The following DOK1 variants were observed in gnomAD, a reference collection of about 807,000 sequenced individuals.
DOK1 encodes Downstream of tyrosine kinase 1.
Under a neutral mutation model 24.0 loss-of-function variants are expected in DOK1, and 12 were observed. The ratio of observed to expected loss-of-function variants is 0.50; its 90% CI spans 0.32 to 0.81. The LOEUF is 0.81. DOK1 is among the 30% of genes least tolerant of loss of function. DOK1 has a pLI of 0.03. For synonymous variants in DOK1, 250 were observed against 260.9 expected, an observed-to-expected ratio of 0.96 and a Z score of 0.40; for missense variants, 591 against 620.7, an observed-to-expected ratio of 0.95 and a Z score of 0.51.
chr2:74,556,995 A>C lies in DOK1; in HGVS notation c.1327A>C (p.Ser443Arg). The C allele has an allele frequency of 6.2e-7, 1 of 1,614,228 alleles. No homozygotes were observed. Among genetic ancestry groups the C allele is most frequent in the Non-Finnish European group, 8.5e-7 (1 of 1,180,044 alleles). ...TACTGCAACTGGCAGTGGCATCAAAAGCCACAACTCAGCCCTGTACAGCCA... is the reference window on the plus strand; with the variant it reads ...TACTGCAACTGGCAGTGGCATCAAACGCCACAACTCAGCCCTGTACAGCCA... ...PGTATGSGIK[S>R]HNSALYSQVQ... Residue 443 changes from serine (S) to arginine (R), a missense_variant, in exon 5 of 5, where the codon AGC becomes CGC. Transcript: ENST00000233668. The surrounding 1 kb of genome is among the most constrained non-coding windows in gnomAD (Gnocchi z 4.1).
chr2:74,549,141 G>C lies in DOK1; in HGVS notation c.-389G>C, dbSNP rs1017366612. On this transcript the variant is annotated 5_prime_UTR_variant, in exon 1 of 5. Transcript: ENST00000409429. This position sits in a 1 kb window ranked among gnomAD's most constrained non-coding sequence, Gnocchi z 5.3. ...CTGCCCGCCCAGGCGTCGGCCACGA[G>C]AGAGCGGGAGCCTCGCTGGTCCCCA... is the stretch of plus-strand genomic sequence containing the variant. 41 of 420,538 alleles carry C rather than the reference G, an allele frequency of 9.7e-5. No homozygotes were observed. Among genetic ancestry groups the C allele is most frequent in the African/African-American group, 4.7e-4 (23 of 48,678 alleles). The allele number at this position is 420,538 out of a possible 1,614,324, so 26.1% of individuals were successfully genotyped here. A position where few individuals can be genotyped will look rare whatever the true frequency, so the allele number is the denominator to read the frequency against.
upstream of DOK1, chr2:74,549,917 T>G (rs1200478419): frequency 1.0e-6 from 1 of 985,194 alleles, no homozygotes; most frequent in Non-Finnish European, 1.2e-6. The surrounding 1 kb of genome is among the most constrained non-coding windows in gnomAD (Gnocchi z 5.3). Flanking sequence ...AGCAGGAACA[T>G]TTGAGGAGAA....
rs150578126 is a variant in DOK1, at chr2:74,555,960, A to T, written c.521A>T (p.Tyr174Phe). The T allele has an allele frequency of 4.3e-6, 7 of 1,613,780 alleles. No homozygotes were observed. In the South Asian group the frequency reaches 6.6e-5, roughly 15 times the overall value. The change falls in exon 4 of 5, where the codon TAC (tyrosine) becomes TTC (phenylalanine). Residue 174 changes from tyrosine to phenylalanine, a missense_variant. Coordinates refer to ENST00000233668, the MANE Select transcript of DOK1 (RefSeq NM_001381.5). This position sits in a 1 kb window ranked among gnomAD's most constrained non-coding sequence, Gnocchi z 6.1. ...GAGCGCTGTGGCCTGCATGGCTCCT[A>T]CGTGCTGAGGGTGGAGGCTGAAAGG... Reference protein sequence around the residue: ...AAERCGLHGSYVLRVEAERLT... With the variant: ...AAERCGLHGSFVLRVEAERLT...
chr2:74,552,369 G>A (rs2104452703), upstream of DOK1: 1 of 1,611,964 alleles, frequency 6.2e-7, no homozygotes, highest in Non-Finnish European at 8.5e-7. Context: ...TGTGGCCTCT[G>A]TGAAGCCCAG....
chr2:74,552,614 C>G (rs1677089973), upstream of DOK1: 1 of 1,574,358 alleles, frequency 6.4e-7, no homozygotes, highest in East Asian at 2.3e-5. Flanking sequence ...GGCTCCACTG[C>G]CAGACACTGA....
upstream of DOK1, chr2:74,554,673 A>G: frequency 7.0e-7 from 1 of 1,438,560 alleles, no homozygotes; most frequent in Non-Finnish European, 9.5e-7. The surrounding 1 kb of genome is among the most constrained non-coding windows in gnomAD (Gnocchi z 4.9). Flanking sequence ...AGGGGCGGAA[A>G]CTCCTCCAGG....
chr2:74,551,978 G>A (rs147849143), upstream of DOK1, among the ~76,000 whole-genome samples: 143 of 152,350 alleles, frequency 9.4e-4, no homozygotes, highest in African/African-American at 3.3e-3. Context: ...TGCTCTTAGC[G>A]TCCCATGAGA....
rs1380946879 is a variant in DOK1 at position 74,556,131 on chromosome 2, G to C, written c.639+53G>C. ...TGGGTTGGGCAGCTGTGGGAGGGGT[G>C]GGGCAGGACAGAAAGTGGGAAGCTC... is the stretch of plus-strand genomic sequence containing the variant. On this transcript the variant is annotated intron_variant, in intron 4 of 4. Coordinates refer to ENST00000233668, the MANE Select transcript of DOK1 (RefSeq NM_001381.5). The surrounding 1 kb of genome is among the most constrained non-coding windows in gnomAD (Gnocchi z 4.1). 4 of 1,538,170 alleles carry C rather than the reference G, an allele frequency of 2.6e-6. No individual in the cohort carries two copies. In the African/African-American group the frequency reaches 5.5e-5, roughly 21 times the overall value.
upstream of DOK1, chr2:74,549,844 G>A (rs1676885889): frequency 5.1e-6 from 5 of 985,418 alleles, no homozygotes; most frequent in Non-Finnish European, 6.0e-6. This position sits in a 1 kb window ranked among gnomAD's most constrained non-coding sequence, Gnocchi z 5.3. Context: ...GAGCAGGAGG[G>A]AGCACTTCAA....
upstream of DOK1, chr2:74,554,412 GT>G: frequency 3.0e-6 from 1 of 335,006 alleles, no homozygotes; most frequent in South Asian, 3.9e-5. The surrounding 1 kb of genome is among the most constrained non-coding windows in gnomAD (Gnocchi z 4.9). Flanking sequence ...CGCTTTCGGG[GT>G]GATGTCATGG....
chr2:74,553,277 T>A (rs1009806067), upstream of DOK1, among the ~76,000 whole-genome samples: 5 of 152,072 alleles, frequency 3.3e-5, no homozygotes, highest in African/African-American at 4.8e-5. Flanking sequence ...CCCAGAGTCC[T>A]AACCCAGCAG....
upstream of DOK1, among the ~76,000 whole-genome samples, chr2:74,551,549 C>A (rs142075467): frequency 3.9e-5 from 6 of 152,394 alleles, 1 homozygote; most frequent in East Asian, 9.6e-4. Flanking sequence ...CTTTCCATAT[C>A]AATCCCCTGA....
Position 74,555,557 on chromosome 2 carries a change from C to T in DOK1, c.361-18C>T, listed in dbSNP as rs766598571. 6.2e-7 allele frequency: 1 copy of T among 1,610,376 alleles called. No homozygotes were observed. Among genetic ancestry groups the T allele is most frequent in the Admixed American group, 1.7e-5 (1 of 59,866 alleles). On this transcript the variant is annotated intron_variant, in intron 2 of 4. Transcript: ENST00000233668. This position sits in a 1 kb window ranked among gnomAD's most constrained non-coding sequence, Gnocchi z 6.1. ...CCCGCTGAGGAAATTACGGGTTTCTCGATGCTCTCTACTACAGAAAGGCAG... is the reference window on the plus strand; with the variant it reads ...CCCGCTGAGGAAATTACGGGTTTCTTGATGCTCTCTACTACAGAAAGGCAG...
chr2:74,555,311 TG>T lies in DOK1; in HGVS notation c.220del (p.Ala74ProfsTer84). On this transcript the variant is annotated frameshift_variant, in exon 2 of 5. Coordinates refer to ENST00000233668, the MANE Select transcript of DOK1 (RefSeq NM_001381.5). LOFTEE classifies it high-confidence loss of function. This position sits in a 1 kb window ranked among gnomAD's most constrained non-coding sequence, Gnocchi z 6.1. ...ATCCGTCTGGCTGAGTGTGTGAGTGTGGCCCCCGTCACCGTGGAGACCCCCC... is the reference window on the plus strand; with the variant it reads ...ATCCGTCTGGCTGAGTGTGTGAGTGTGCCCCCGTCACCGTGGAGACCCCCC... ...KVIRLAECVSVAPVTVETPPE... is the reference protein window; with the variant it reads ...KVIRLAECVSXAPVTVETPPE... 6.2e-7 allele frequency: 1 copy of T among 1,614,080 alleles called. No individual in the cohort carries two copies. The highest frequency in any genetic ancestry group is 8.5e-7 in the Non-Finnish European group (1 of 1,180,010).
At position 74,557,230 on chromosome 2, in the gene DOK1, G is replaced by T. The variant is rs1166400685; in HGVS notation, c.*116G>T. On this transcript the variant is annotated 3_prime_UTR_variant, in exon 5 of 5. Coordinates refer to ENST00000233668, the MANE Select transcript of DOK1 (RefSeq NM_001381.5). ...GGGTGGGAGGGGCCATGCTGTGTGA[G>T]ACCAGGGGACCAGAGGGATGGGAGA... 4.0e-5 allele frequency: 42 copies of T among 1,039,300 alleles called. No homozygotes were observed. In the Middle Eastern group the frequency reaches 9.6e-4, roughly 24 times the overall value. 64.4% of individuals were successfully genotyped at this position (1,039,300 alleles called of 1,614,324 possible).
upstream of DOK1, chr2:74,552,773 A>G (rs956957710): frequency 2.5e-6 from 2 of 815,410 alleles, no homozygotes; most frequent in African/African-American, 1.7e-5. Context: ...GAGAGACAAC[A>G]GGAGAGAAAG....
In DOK1 at chr2:74,549,158, T is replaced by A; in HGVS notation, c.-372T>A. 1 of 459,372 alleles carries A rather than the reference T, an allele frequency of 2.2e-6. No individual in the cohort carries two copies. Among genetic ancestry groups the A allele is most frequent in the Non-Finnish European group, 3.7e-6 (1 of 272,378 alleles). The allele number at this position is 459,372 out of a possible 1,614,324, so 28.5% of individuals were successfully genotyped here. On this transcript the variant is annotated 5_prime_UTR_variant, in exon 1 of 5. Transcript: ENST00000409429. This position sits in a 1 kb window ranked among gnomAD's most constrained non-coding sequence, Gnocchi z 5.3. ...GGCCACGAGAGAGCGGGAGCCTCGC[T>A]GGTCCCCATTTCAGGTACTCCCTTG...
upstream of DOK1, chr2:74,552,613 G>T (rs1473080063): frequency 6.3e-7 from 1 of 1,574,884 alleles, no homozygotes; most frequent in East Asian, 2.3e-5. Context: ...GGGCTCCACT[G>T]CCAGACACTG....
At position 74,555,337 on chromosome 2, in the gene DOK1, C is replaced by G. The variant is rs772701333; in HGVS notation, c.244C>G (p.Pro82Ala). The G allele has an allele frequency of 7.4e-6, 12 of 1,613,968 alleles. No individual in the cohort carries two copies. Among genetic ancestry groups the G allele is most frequent in the Non-Finnish European group, 8.5e-6 (10 of 1,179,966 alleles). The stretch of plus-strand genomic sequence containing the variant: ...GGCCCCCGTCACCGTGGAGACCCCC[C>G]CTGAGCCCGGCGCCACTGCCTTCCG... ...SVAPVTVETP[P>A]EPGATAFRLD... is the part of the protein sequence containing the mutation. Residue 82 changes from proline to alanine, a missense_variant, in exon 2 of 5, where the codon CCT becomes GCT. Pro to Ala is a conservative substitution (Grantham distance 27). Transcript: ENST00000233668. This position sits in a 1 kb window ranked among gnomAD's most constrained non-coding sequence, Gnocchi z 6.1.
Sources: gnomAD v4.1 joint callset for allele counts (sites outside exome capture counted in the v4.1 genomes callset) on GRCh38, gnomAD v4.1.1 for gene constraint, Gnocchi (gnomAD v3.1) non-coding constraint, MANE v1.5 for transcripts, NCBI Gene and HGNC (gene_info 2026-07-23, HGNC 2026-07-21) for gene names.